The following PDE4D variants were observed in gnomAD, a reference collection of about 807,000 sequenced individuals.
PDE4D encodes the protein phosphodiesterase 4D.
A neutral mutation model predicts 87.4 loss-of-function variants in PDE4D; 24 were observed. That is an observed-to-expected ratio of 0.27 (90% CI 0.20 to 0.39). PDE4D has a LOEUF of 0.39. PDE4D is among the 10% of genes least tolerant of loss of function. The pLI is 1.00. For missense variants in PDE4D, 714 were observed against 1,041.0 expected (o/e 0.69, Z 4.32); for synonymous variants, 384 against 383.2 (o/e 1.00, Z -0.02).
intron 2 of PDE4D, among the ~76,000 whole-genome samples, chr5:60,076,438 G>T (rs946925900): frequency 2.0e-5 from 3 of 152,174 alleles, no homozygotes; most frequent in Non-Finnish European, 2.9e-5. Flanking sequence ...GATTACAGGT[G>T]TGAGCCACCA....
At chr5:59,303,750 T>A (rs1292809981) in intron 1 of PDE4D, among the ~76,000 whole-genome samples, 1 of 152,184 alleles carries the variant, frequency 6.6e-6, no homozygotes, top group Non-Finnish European at 1.5e-5. Flanking sequence ...TTGGTCTATA[T>A]GTCTATTTTT....
intron 5 of PDE4D, among the ~76,000 whole-genome samples, chr5:59,110,147 T>C: frequency 6.6e-6 from 1 of 152,234 alleles, no homozygotes; most frequent in African/African-American, 2.4e-5. Context: ...AGAATGCGTA[T>C]GTTGGCAAGG....
At chr5:60,131,778 T>C (rs554283243) in intron 2 of PDE4D, among the ~76,000 whole-genome samples, 20 of 152,336 alleles carry the variant, frequency 1.3e-4, no homozygotes, top group African/African-American at 1.9e-4. Flanking sequence ...AAGTGGCTCA[T>C]TGGGCAGCAA....
intron 1 of PDE4D, among the ~76,000 whole-genome samples, chr5:59,353,858 G>C (rs569851644): frequency 6.6e-6 from 1 of 151,912 alleles, no homozygotes; most frequent in Non-Finnish European, 1.5e-5. Flanking sequence ...ATAAAAAATT[G>C]TCACAGCTGA....
At chr5:59,729,678 C>T (rs569844965) in intron 1 of PDE4D, among the ~76,000 whole-genome samples, 7 of 151,686 alleles carry the variant, frequency 4.6e-5, no homozygotes, top group African/African-American at 1.7e-4. Flanking sequence ...AAAATACCTA[C>T]GAAAGTAAGT....
At chr5:59,800,780 C>T (rs373776797) in intron 1 of PDE4D, among the ~76,000 whole-genome samples, 2 of 152,162 alleles carry the variant, frequency 1.3e-5, no homozygotes, top group East Asian at 1.9e-4. Context: ...AGTCACTTAA[C>T]CTTTCTAAGA....
intron 1 of PDE4D, among the ~76,000 whole-genome samples, chr5:59,423,835 G>A (rs1273979013): frequency 6.8e-6 from 1 of 147,172 alleles, no homozygotes; most frequent in African/African-American, 2.5e-5. Flanking sequence ...TTTTTTGGTA[G>A]CCACTGAAAA....
chr5:59,228,108 T>C (rs1440175588), intron 1 of PDE4D, among the ~76,000 whole-genome samples: 2 of 152,148 alleles, frequency 1.3e-5, no homozygotes, highest in Admixed American at 6.5e-5. Context: ...TGTAGGAACA[T>C]GGATGGAGCT....
rs6881083 is a variant in PDE4D at position 60,143,509 on chromosome 5, G to A, written c.42+42048C>T. 5.2e-3 allele frequency among the ~76,000 whole-genome samples: 795 copies of A among 152,050 alleles called. 6 individuals carry two copies. The highest frequency in any genetic ancestry group is 0.018 in the African/African-American group (754 of 41,438). The stretch of plus-strand genomic sequence containing the variant: ...TGGAACAGTGGCTGTCAACTCCAGC[G>A]GCACATTAGAATCACCTGCAGAGCT... On this transcript the variant is annotated intron_variant, in intron 2 of 16. Coordinates refer to the PDE4D transcript ENST00000502484.
At chr5:60,276,397 A>C (rs552509195) in intron 1 of PDE4D, among the ~76,000 whole-genome samples, 4 of 152,284 alleles carry the variant, frequency 2.6e-5, no homozygotes, top group Admixed American at 6.5e-5. Flanking sequence ...CTGACTCCTT[A>C]CACATTTTAA....
chr5:59,092,881 A>C (rs1230926255), intron 5 of PDE4D, among the ~76,000 whole-genome samples: 3 of 152,086 alleles, frequency 2.0e-5, no homozygotes, highest in Non-Finnish European at 4.4e-5. Flanking sequence ...TTTCTACTCT[A>C]AGGTGCTCTT....
At chr5:60,194,641 C>T (rs144435103) in intron 1 of PDE4D, among the ~76,000 whole-genome samples, 25 of 151,684 alleles carry the variant, frequency 1.6e-4, no homozygotes, top group African/African-American at 6.0e-4. Flanking sequence ...TTTTGATTGG[C>T]ACTTGGGAGC....
intron 2 of PDE4D, among the ~76,000 whole-genome samples, chr5:60,174,820 C>A: frequency 6.6e-6 from 1 of 151,930 alleles, no homozygotes; most frequent in East Asian, 1.9e-4. Flanking sequence ...TCATTCCCTC[C>A]CTCTGGTTGC....
chr5:60,465,118 ATAAATAAAAATAAATAAT>A (rs1318076050), intron 1 of PDE4D, among the ~76,000 whole-genome samples: 2 of 151,918 alleles, frequency 1.3e-5, no homozygotes, highest in Admixed American at 1.3e-4. Context: ...AAAAAAATAA[ATAAATAAAAATAAATAAT>A]TAAATAAAAA....
chr5:59,113,848 T>C (rs1008272313), intron 5 of PDE4D, among the ~76,000 whole-genome samples: 2 of 152,208 alleles, frequency 1.3e-5, no homozygotes, highest in African/African-American at 2.4e-5. Context: ...TGGTGAGGAT[T>C]ATGCAAAGTC....
intron 5 of PDE4D, among the ~76,000 whole-genome samples, chr5:59,169,315 CTTTTA>C (rs1185327928): frequency 3.8e-5 from 2 of 51,986 alleles, no homozygotes; most frequent in African/African-American, 1.9e-4. Context: ...TTGTGTGGTT[CTTTTA>C]TTTTTTTTTT....
intron 1 of PDE4D, among the ~76,000 whole-genome samples, chr5:60,264,885 T>G (rs985423311): frequency 6.6e-6 from 1 of 152,192 alleles, no homozygotes; most frequent in African/African-American, 2.4e-5. Flanking sequence ...AAAGAACCCT[T>G]GGAATTCACT....
chr5:59,304,661 T>G (rs111489158), intron 1 of PDE4D, among the ~76,000 whole-genome samples: 4,218 of 152,258 alleles, frequency 0.028, 218 homozygotes, highest in African/African-American at 0.096. Flanking sequence ...GATCATGGAA[T>G]TTTTGTTTTT....
chr5:59,144,326 T>C (rs1015068662), intron 5 of PDE4D, among the ~76,000 whole-genome samples: 1 of 152,138 alleles, frequency 6.6e-6, no homozygotes, highest in Non-Finnish European at 1.5e-5. Flanking sequence ...AATCAATCCT[T>C]GCACTGATGA....
Sources: allele counts gnomAD v4.1 joint callset (sites outside exome capture counted in the v4.1 genomes callset), GRCh38; gene constraint gnomAD v4.1.1; transcripts MANE v1.5; gene names NCBI Gene and HGNC (gene_info 2026-07-23, HGNC 2026-07-21).